The following ZEB2 variants were observed in gnomAD, a reference collection of about 807,000 sequenced individuals.
The protein encoded by ZEB2 is zinc finger E-box binding homeobox 2.
A neutral mutation model predicts 99.9 loss-of-function variants in ZEB2; 6 were observed. That is an observed-to-expected ratio of 0.06 (90% CI 0.03 to 0.12). ZEB2 has a LOEUF of 0.12. ZEB2 is among the 10% of genes least tolerant of loss of function. ZEB2 has a pLI of 1.00. For missense variants in ZEB2, 969 were observed against 1,502.8 expected, an observed-to-expected ratio of 0.64 and a Z score of 5.87; for synonymous variants, 517 against 542.5, an observed-to-expected ratio of 0.95 and a Z score of 0.65.
At chr2:144,490,247 G>A (rs1704657312) in intron 2 of ZEB2, among the ~76,000 whole-genome samples, 1 of 152,178 alleles carries the variant, frequency 6.6e-6, no homozygotes, top group African/African-American at 2.4e-5. Context: ...ACTTTGCTAA[G>A]CCACAGTTTC....
chr2:144,435,156 G>A (rs1241074416), intron 2 of ZEB2, among the ~76,000 whole-genome samples: 1 of 152,148 alleles, frequency 6.6e-6, no homozygotes, highest in Non-Finnish European at 1.5e-5. Context: ...CACAATTTTT[G>A]TGTTGGCCCT....
chr2:144,405,630 A>T (rs1703376105), intron 4 of ZEB2, among the ~76,000 whole-genome samples: 2 of 152,058 alleles, frequency 1.3e-5, no homozygotes, highest in African/African-American at 4.8e-5. Flanking sequence ...AAAGCACCAG[A>T]ATGTGGCATT....
chr2:144,492,788 G>C (rs904553622), intron 2 of ZEB2, among the ~76,000 whole-genome samples: 22 of 152,222 alleles, frequency 1.4e-4, no homozygotes, highest in Admixed American at 1.4e-3. Context: ...TATTAATATG[G>C]TGGTAGGGAA....
At chr2:144,401,129 T>C in intron 7 of ZEB2, 70 bp downstream of exon 7, 1 of 1,412,848 alleles carries the variant, frequency 7.1e-7, no homozygotes, top group Non-Finnish European at 1.0e-6. Flanking sequence ...GTGTAAATTT[T>C]AAACAATCTT....
chr2:144,511,302 G>T (rs1427435378), intron 2 of ZEB2: 3 of 865,780 alleles, frequency 3.5e-6, no homozygotes, highest in Non-Finnish European at 4.5e-6. Flanking sequence ...TACACGCATG[G>T]ATGGCTTTTC....
At position 144,387,410 on chromosome 2, in the gene ZEB2, G is replaced by T. The variant is rs531956200; in HGVS notation, c.*2041C>A. 2.0e-5 allele frequency: 3 copies of T among 152,102 alleles called. No homozygotes were observed. The highest frequency in any genetic ancestry group is 7.2e-5 in the African/African-American group (3 of 41,508). 9.4% of individuals were successfully genotyped at this position (152,102 alleles called of 1,614,324 possible). On this transcript the variant is annotated 3_prime_UTR_variant, in exon 10 of 10. Coordinates refer to ENST00000627532, the MANE Select transcript of ZEB2 (RefSeq NM_014795.4). ...ATAAAAGTCATTATGTAAAACCTACGAATACATTCATATTCTGAATATTAG... is the reference window on the plus strand; with the variant it reads ...ATAAAAGTCATTATGTAAAACCTACTAATACATTCATATTCTGAATATTAG...
At chr2:144,475,669 T>C (rs1704420315) in intron 2 of ZEB2, among the ~76,000 whole-genome samples, 1 of 152,134 alleles carries the variant, frequency 6.6e-6, no homozygotes, top group Non-Finnish European at 1.5e-5. Context: ...AGCTCTTGAA[T>C]TTGCTCTGCC....
chr2:144,385,513 G>A lies in ZEB2; in HGVS notation c.*3938C>T, dbSNP rs1231420828. The A allele has an allele frequency of 6.6e-6, 1 of 151,920 alleles. No individual in the cohort carries two copies. Among genetic ancestry groups the A allele is most frequent in the Non-Finnish European group, 1.5e-5 (1 of 67,962 alleles). The allele number at this position is 151,920 out of a possible 1,614,324, so 9.4% of individuals were successfully genotyped here. ...ATTGAGCATGTTTATTTGAATAATT[G>A]CCCCATTGCACAATAAATAAATCCG... On this transcript the variant is annotated 3_prime_UTR_variant, in exon 10 of 10. Transcript: ENST00000627532.
chr2:144,399,006 T>C lies in ZEB2; in HGVS notation c.2181A>G (p.Leu727=), dbSNP rs199846935. Residue 727 remains leucine (L), a synonymous_variant, in exon 8 of 10, where the codon TTA becomes TTG. Coordinates refer to ENST00000627532, the MANE Select transcript of ZEB2 (RefSeq NM_014795.4). This position sits in a 1 kb window ranked among gnomAD's most constrained non-coding sequence, Gnocchi z 5.6. ...PNSNPPTKDS[L]LPRSPVKPMD... ...TAGGTTTTACAGGAGACCTGGGTAA[T>C]AAAGAGTCTTTTGTGGGAGGGTTAC... 1.9e-6 allele frequency: 3 copies of C among 1,614,164 alleles called. No homozygotes were observed. The African/African-American group carries it at 4.0e-5, about 22-fold the overall frequency.
chr2:144,501,476 G>A (rs1267216755), intron 2 of ZEB2, among the ~76,000 whole-genome samples: 3 of 152,202 alleles, frequency 2.0e-5, no homozygotes, highest in Admixed American at 1.3e-4. Flanking sequence ...AAGTAGAACA[G>A]TTCATTAAAA....
intron 2 of ZEB2, among the ~76,000 whole-genome samples, chr2:144,508,537 T>C (rs762528840): frequency 6.6e-6 from 1 of 152,108 alleles, no homozygotes; most frequent in African/African-American, 2.4e-5. Flanking sequence ...AAGGCAATCT[T>C]ATTTAAGCCC....
intron 2 of ZEB2, among the ~76,000 whole-genome samples, chr2:144,454,620 G>T (rs543803327): frequency 6.6e-6 from 1 of 152,194 alleles, no homozygotes; most frequent in Non-Finnish European, 1.5e-5. Flanking sequence ...ACCATGCTCA[G>T]TGAGTATCTA....
rs766792624 is a variant in ZEB2, at chr2:144,517,372, C to T, written c.-22G>A. On this transcript the variant is annotated 5_prime_UTR_variant, in exon 2 of 10. Coordinates refer to ENST00000627532, the MANE Select transcript of ZEB2 (RefSeq NM_014795.4). ...TCATTGATAAGAGCGGATCAGATGG[C>T]AGTTCGCATGGACTCGGCGCCCTGC... The T allele has an allele frequency of 1.2e-6, 2 of 1,613,548 alleles. No individual in the cohort carries two copies. Among genetic ancestry groups the T allele is most frequent in the East Asian group, 2.2e-5 (1 of 44,832 alleles).
In ZEB2 at chr2:144,384,717, G is replaced by A. The variant is rs1703057904; in HGVS notation, c.*4734C>T. 6.6e-6 allele frequency: 1 copy of A among 151,584 alleles called. No individual in the cohort carries two copies. The highest frequency in any genetic ancestry group is 2.4e-5 in the African/African-American group (1 of 41,212). 9.4% of individuals were successfully genotyped at this position (151,584 alleles called of 1,614,324 possible). A position where few individuals can be genotyped will look rare whatever the true frequency, so the allele number is the denominator to read the frequency against. ...TAAATATGTACAATTTCAATTCACA[G>A]CGAAGGTAACAAAGATTTAAACAGC... On this transcript the variant is annotated 3_prime_UTR_variant, in exon 10 of 10. Coordinates refer to ENST00000627532, the MANE Select transcript of ZEB2 (RefSeq NM_014795.4).
intron 2 of ZEB2, among the ~76,000 whole-genome samples, chr2:144,503,291 A>G (rs1704900559): frequency 6.6e-6 from 1 of 152,242 alleles, no homozygotes; most frequent in Non-Finnish European, 1.5e-5. Flanking sequence ...TTAAGTTTTA[A>G]TATCTAGGAA....
intron 2 of ZEB2, among the ~76,000 whole-genome samples, chr2:144,483,921 G>A (rs768013043): frequency 2.0e-5 from 3 of 152,092 alleles, no homozygotes; most frequent in Non-Finnish European, 2.9e-5. Context: ...GCATTCTGCC[G>A]TGAATATAGA....
At chr2:144,442,569 C>T (rs1220907974) in intron 2 of ZEB2, among the ~76,000 whole-genome samples, 1 of 152,128 alleles carries the variant, frequency 6.6e-6, no homozygotes, top group East Asian at 1.9e-4. Flanking sequence ...TCAATACCTA[C>T]AGGAACACCT....
Position 144,517,298 on chromosome 2 carries a change from G to A in ZEB2, c.53C>T (p.Ala18Val), listed in dbSNP as rs1446907846. ...CTTACCGTTTTTCCTCCTGGGATTG[G>A]CTTGTTTGCGCCTCTTGCACCGGGG... ...DGPRCKRRKQ[A>V]NPRRKNVVNY... Residue 18 changes from alanine (A) to valine (V), a missense_variant, in exon 2 of 10, where the codon GCC becomes GTC. By Grantham distance (64) the Ala-to-Val change is moderately conservative. This residue lies in a region of ZEB2 where 173 missense variants were observed against 217.7 expected (regional missense o/e 0.79). Coordinates refer to ENST00000627532, the MANE Select transcript of ZEB2 (RefSeq NM_014795.4). The A allele has an allele frequency of 6.2e-7, 1 of 1,613,502 alleles. No individual in the cohort carries two copies. Among genetic ancestry groups the A allele is most frequent in the Non-Finnish European group, 8.5e-7 (1 of 1,179,806 alleles).
At chr2:144,513,872 A>C in intron 2 of ZEB2, 1 of 1,529,092 alleles carries the variant, frequency 6.5e-7, no homozygotes, top group Non-Finnish European at 8.8e-7. Context: ...CTCCAGCGTC[A>C]GTGAAAGTGT....
Sources: gnomAD v4.1 joint callset for allele counts (sites outside exome capture counted in the v4.1 genomes callset) on GRCh38, gnomAD v4.1.1 for gene constraint, gnomAD v4.1.1 regional missense constraint, Gnocchi (gnomAD v3.1) non-coding constraint, MANE v1.5 for transcripts, NCBI Gene and HGNC (gene_info 2026-07-23, HGNC 2026-07-21) for gene names.